The following RUSC2 variants were observed in gnomAD, a reference collection of about 807,000 sequenced individuals.
RUSC2 encodes RUN and SH3 domain containing 2.
In RUSC2, 34 loss-of-function variants were observed where a neutral mutation model predicts 122.2. That is an observed-to-expected ratio of 0.28 (90% confidence interval 0.21 to 0.37). The LOEUF (loss-of-function observed/expected upper bound fraction) is 0.37. RUSC2 is among the 10% of genes least tolerant of loss of function. The pLI, the probability that RUSC2 is intolerant of heterozygous loss-of-function variation, is 1.00. For missense variants in RUSC2, 1,747 were observed against 1,952.4 expected (o/e 0.89, Z 1.98); for synonymous variants, 784 against 790.0 (o/e 0.99, Z 0.13).
chr9:35,537,774 T>C (rs1278972239), intron 1 of RUSC2, among the ~76,000 whole-genome samples: 1 of 152,208 alleles, frequency 6.6e-6, no homozygotes, highest in East Asian at 1.9e-4. Context: ...GTCCAGATAG[T>C]AGTCACCTTG....
chr9:35,507,355 G>C (rs967414046), intron 1 of RUSC2, among the ~76,000 whole-genome samples: 1 of 152,094 alleles, frequency 6.6e-6, no homozygotes, highest in South Asian at 2.1e-4. Flanking sequence ...CTCACTAGTA[G>C]TCCTTTAACT....
chr9:35,536,577 C>T (rs1821531364), intron 1 of RUSC2, among the ~76,000 whole-genome samples: 1 of 152,118 alleles, frequency 6.6e-6, no homozygotes, highest in African/African-American at 2.4e-5. Flanking sequence ...CTTTGGGAGG[C>T]TGAGGCGGGT....
At chr9:35,499,148 G>A (rs1310778718) in intron 1 of RUSC2, among the ~76,000 whole-genome samples, 2 of 151,980 alleles carry the variant, frequency 1.3e-5, no homozygotes, top group South Asian at 2.1e-4. Flanking sequence ...TTAGCCAAGC[G>A]TGGTGGCATG....
chr9:35,523,350 T>C (rs1217529731), intron 1 of RUSC2, among the ~76,000 whole-genome samples: 1 of 152,248 alleles, frequency 6.6e-6, no homozygotes, highest in Non-Finnish European at 1.5e-5. Context: ...TGCTTTGTTT[T>C]AACAAATGTA....
intron 1 of RUSC2, among the ~76,000 whole-genome samples, chr9:35,499,398 T>C (rs772844340): frequency 6.6e-6 from 1 of 152,214 alleles, no homozygotes; most frequent in Non-Finnish European, 1.5e-5. Flanking sequence ...AAAAAATTAA[T>C]TTTGATACTT....
chr9:35,558,524 A>G lies in RUSC2; in HGVS notation c.3298A>G (p.Ser1100Gly), dbSNP rs371259405. ...AGTCAGCCAATTCCCAGAGCTCACCAGTCATACCATGCGCTTCAACGCCTT... is the reference window on the plus strand; with the variant it reads ...AGTCAGCCAATTCCCAGAGCTCACCGGTCATACCATGCGCTTCAACGCCTT... ...NKVSQFPELT[S>G]HTMRFNAFIL... The change falls in exon 8 of 12, where the codon AGT (serine) becomes GGT (glycine). Residue 1100 changes from serine to glycine, a missense_variant. By Grantham distance (56) the Ser-to-Gly change is moderately conservative. Transcript: ENST00000361226. The surrounding 1 kb of genome is among the most constrained non-coding windows in gnomAD (Gnocchi z 4.3). 3 of 1,614,166 alleles carry G rather than the reference A, an allele frequency of 1.9e-6. No individual in the cohort carries two copies. The highest frequency in any genetic ancestry group is 2.5e-6 in the Non-Finnish European group (3 of 1,180,016).
rs1240541995 is a variant in RUSC2, at chr9:35,534,106, CATT to C, written c.-92-12323_-92-12321del. Among the ~76,000 whole-genome samples, 8 of 152,304 alleles carry C rather than the reference CATT, an allele frequency of 5.3e-5. No individual in the cohort carries two copies. The East Asian group carries it at 1.5e-3, about 29-fold the overall frequency. On this transcript the variant is annotated intron_variant, in intron 1 of 11. Coordinates refer to ENST00000361226, the MANE Select transcript of RUSC2 (RefSeq NM_014806.5). ...TGTGAGGGTTCCAATTTCTACACATCATTGTCAACATGTGTGATTGCCTGCCTT... is the reference window on the plus strand; with the variant it reads ...TGTGAGGGTTCCAATTTCTACACATCGTCAACATGTGTGATTGCCTGCCTT...
intron 1 of RUSC2, among the ~76,000 whole-genome samples, chr9:35,535,370 C>T (rs947643701): frequency 2.0e-5 from 3 of 151,804 alleles, no homozygotes; most frequent in Admixed American, 6.6e-5. Flanking sequence ...CCCGCTTCGG[C>T]CCCCCAAAGT....
rs1821986958 is a variant in RUSC2, at chr9:35,555,274, C to A, written c.2229C>A (p.Val743=). The A allele has an allele frequency of 6.2e-7, 1 of 1,613,606 alleles. No homozygotes were observed. The highest frequency in any genetic ancestry group is 2.2e-5 in the East Asian group (1 of 44,880). ...PLAAPAAQVS[V]PAPSGEPQAS... ...CTGCCCCTGCTGCTCAAGTCTCAGT[C>A]CCAGCTCCCTCAGGGGAACCGCAGG... Residue 743 remains valine, a synonymous_variant, in exon 3 of 12, where the codon GTC becomes GTA. Coordinates refer to ENST00000361226, the MANE Select transcript of RUSC2 (RefSeq NM_014806.5). The surrounding 1 kb of genome is among the most constrained non-coding windows in gnomAD (Gnocchi z 4.6).
At chr9:35,502,481 A>G (rs1344301503) in intron 1 of RUSC2, among the ~76,000 whole-genome samples, 1 of 152,222 alleles carries the variant, frequency 6.6e-6, no homozygotes, top group African/African-American at 2.4e-5. Flanking sequence ...AGCTGTCCAG[A>G]CTTTAACCTC....
At position 35,547,249 on chromosome 9, in the gene RUSC2, C is replaced by G. The variant is rs764751122; in HGVS notation, c.728C>G (p.Ser243Cys). The change falls in exon 2 of 12, where the codon TCC becomes TGC. Residue 243 changes from serine to cysteine, a missense_variant. Ser to Cys is a moderately radical substitution (Grantham distance 112, BLOSUM62 -1). Transcript: ENST00000361226. The surrounding 1 kb of genome is among the most constrained non-coding windows in gnomAD (Gnocchi z 4.6). ...SDESPRNPGC[S>C]GSGDQHCRCS... ...GAATCCCCAAGGAACCCTGGATGCTCCGGCTCAGGGGACCAGCACTGCCGC... is the reference window on the plus strand; with the variant it reads ...GAATCCCCAAGGAACCCTGGATGCTGCGGCTCAGGGGACCAGCACTGCCGC... 3 of 1,614,172 alleles carry G rather than the reference C, an allele frequency of 1.9e-6. No homozygotes were observed. The South Asian group carries it at 3.3e-5, about 18-fold the overall frequency.
chr9:35,517,146 T>G (rs1326941035), intron 1 of RUSC2, among the ~76,000 whole-genome samples: 1 of 152,194 alleles, frequency 6.6e-6, no homozygotes, highest in Non-Finnish European at 1.5e-5. Context: ...TGAGGCCTCT[T>G]CTCTGAAAGG....
At chr9:35,515,462 A>G (rs1343194502) in intron 1 of RUSC2, among the ~76,000 whole-genome samples, 1 of 152,160 alleles carries the variant, frequency 6.6e-6, no homozygotes, top group Non-Finnish European at 1.5e-5. Flanking sequence ...TTTGAAACAA[A>G]GTCAAACAAG....
rs376288802 is a variant in RUSC2, at chr9:35,521,807, T to G, written c.-92-24623T>G. The stretch of plus-strand genomic sequence containing the variant: ...CTCCCAGCATGCCGTCTGGCCTCAC[T>G]TGGAGTCCAAAATAACATGATACGA... On this transcript the variant is annotated intron_variant, in intron 1 of 11. Coordinates refer to ENST00000361226, the MANE Select transcript of RUSC2 (RefSeq NM_014806.5). 6.6e-5 allele frequency among the ~76,000 whole-genome samples: 10 copies of G among 152,224 alleles called. No homozygotes were observed. In the East Asian group the frequency reaches 1.9e-3, roughly 29 times the overall value.
At chr9:35,492,469 A>G (rs72725049) in intron 1 of RUSC2, among the ~76,000 whole-genome samples, 20,478 of 145,878 alleles carry the variant, frequency 0.14, 1,658 homozygotes, top group Middle Eastern at 0.24. Flanking sequence ...GTTACCCAGG[A>G]AAAAAAAAAA....
chr9:35,522,546 T>C (rs1821235966), intron 1 of RUSC2, among the ~76,000 whole-genome samples: 1 of 152,230 alleles, frequency 6.6e-6, no homozygotes, highest in Non-Finnish European at 1.5e-5. Flanking sequence ...GCAATTATTT[T>C]AACAAAATTA....
intron 1 of RUSC2, among the ~76,000 whole-genome samples, chr9:35,522,128 A>T (rs1341675572): frequency 6.6e-6 from 1 of 151,976 alleles, no homozygotes; most frequent in African/African-American, 2.4e-5. Flanking sequence ...ATCTAATCTC[A>T]TGGCAAGGGT....
chr9:35,516,922 A>C (rs1318256623), intron 1 of RUSC2, among the ~76,000 whole-genome samples: 1 of 152,242 alleles, frequency 6.6e-6, no homozygotes, highest in Non-Finnish European at 1.5e-5. Context: ...TTCTCACCAA[A>C]AGAAGGTAAG....
Position 35,558,126 on chromosome 9 carries a change from T to C in RUSC2, c.3061-71T>C, listed in dbSNP as rs1822060920. On this transcript the variant is annotated intron_variant, in intron 6 of 11. Coordinates refer to ENST00000361226, the MANE Select transcript of RUSC2 (RefSeq NM_014806.5). This position sits in a 1 kb window ranked among gnomAD's most constrained non-coding sequence, Gnocchi z 4.3. ...AATGGGGACGGCAAGAGGGGAACCATGAGGGCCTGCTACGAGAGGACCACA... is the reference window on the plus strand; with the variant it reads ...AATGGGGACGGCAAGAGGGGAACCACGAGGGCCTGCTACGAGAGGACCACA... 10 of 1,590,572 alleles carry C rather than the reference T, an allele frequency of 6.3e-6. No individual in the cohort carries two copies. The highest frequency in any genetic ancestry group is 8.6e-6 in the Non-Finnish European group (10 of 1,164,684).
Sources: gnomAD v4.1 joint callset for allele counts (sites outside exome capture counted in the v4.1 genomes callset) on GRCh38, gnomAD v4.1.1 for gene constraint, Gnocchi (gnomAD v3.1) non-coding constraint, MANE v1.5 for transcripts, NCBI Gene and HGNC (gene_info 2026-07-23, HGNC 2026-07-21) for gene names.